The following DOCK9 variants were observed in gnomAD, a reference collection of about 807,000 sequenced individuals.
DOCK9 encodes the protein dedicator of cytokinesis 9.
Under a neutral mutation model 263.3 loss-of-function variants are expected in DOCK9, and 89 were observed. The ratio of observed to expected loss-of-function variants is 0.34; its 90% CI spans 0.28 to 0.40. The LOEUF is 0.40. Among genes scored for constraint, DOCK9 ranks in the 10% least tolerant of loss-of-function variants. DOCK9 has a pLI of 1.00. For missense variants in DOCK9, 2,140 were observed against 2,603.4 expected, an observed-to-expected ratio of 0.82 and a Z score of 3.87; for synonymous variants, 976 against 973.1, an observed-to-expected ratio of 1.00 and a Z score of -0.06.
At chr13:98,909,174 G>A (rs1288484323) in intron 9 of DOCK9, among the ~76,000 whole-genome samples, 1 of 152,200 alleles carries the variant, frequency 6.6e-6, no homozygotes, top group African/African-American at 2.4e-5. Flanking sequence ...GTTCTCTGTA[G>A]AAACTGGTGT....
At position 98,831,399 on chromosome 13, in the gene DOCK9, C is replaced by T. The variant is rs1478197022; in HGVS notation, c.4584G>A (p.Arg1528=). The T allele has an allele frequency of 6.2e-7, 1 of 1,604,298 alleles. No homozygotes were observed. Among genetic ancestry groups the T allele is most frequent in the Non-Finnish European group, 8.5e-7 (1 of 1,175,144 alleles). Residue 1528 remains arginine, a synonymous_variant, in exon 41 of 53, where the codon AGG becomes AGA. Transcript: ENST00000682017. ...TCTTTCCAGTGTAATCAAAGTTGTT[C>T]CTCATCAGGAAGTAGAGCAGCTGGG... ...EASQLLYFLM[R]NNFDYTGKKS... is the part of the protein sequence containing the mutation.
At position 98,838,657 on chromosome 13, in the gene DOCK9, T is replaced by C. The variant is rs555853222; in HGVS notation, c.4199-1048A>G. ...TGACATACAAGTTGAGATTAAATTATGAAATGGTATGCATTAGCAGAAATA... is the reference window on the plus strand; with the variant it reads ...TGACATACAAGTTGAGATTAAATTACGAAATGGTATGCATTAGCAGAAATA... On this transcript the variant is annotated intron_variant, in intron 38 of 52. Coordinates refer to ENST00000682017, the MANE Select transcript of DOCK9 (RefSeq NM_001366683.2). Among the ~76,000 whole-genome samples, 40 of 152,302 alleles carry C rather than the reference T, an allele frequency of 2.6e-4. 1 individual carries two copies. In the South Asian group the frequency reaches 8.1e-3, roughly 31 times the overall value.
intron 1 of DOCK9, among the ~76,000 whole-genome samples, chr13:98,985,788 C>T (rs1878314738): frequency 7.6e-6 from 1 of 131,832 alleles, no homozygotes; most frequent in Non-Finnish European, 1.6e-5. Flanking sequence ...TATCTCCCTT[C>T]CTCAGCTTTG....
At chr13:98,809,290 T>C in intron 47 of DOCK9, 62 bp downstream of exon 47, 1 of 1,409,000 alleles carries the variant, frequency 7.1e-7, no homozygotes, top group Non-Finnish European at 9.8e-7. Flanking sequence ...TTTTTTTTTG[T>C]TTTTGTTTTT....
intron 1 of DOCK9, among the ~76,000 whole-genome samples, chr13:99,013,436 T>C (rs772972197): frequency 2.6e-5 from 4 of 152,238 alleles, no homozygotes; most frequent in Admixed American, 2.0e-4. Context: ...GTTCTTGTTG[T>C]ACTATAAGTG....
chr13:98,935,827 G>T (rs1407880169), intron 2 of DOCK9, among the ~76,000 whole-genome samples: 1 of 152,046 alleles, frequency 6.6e-6, no homozygotes, highest in Non-Finnish European at 1.5e-5. Context: ...CTGGACCCAT[G>T]GGGGAGGGGA....
intron 1 of DOCK9, among the ~76,000 whole-genome samples, chr13:98,995,886 C>T (rs1880923667): frequency 6.6e-6 from 1 of 152,072 alleles, no homozygotes; most frequent in Non-Finnish European, 1.5e-5. Flanking sequence ...GTGCAAAGGC[C>T]CTGAAGCGCA....
At position 98,800,461 on chromosome 13, in the gene DOCK9, A is replaced by G. The variant is rs1169446008; in HGVS notation, c.5743T>C (p.Tyr1915His). The G allele has an allele frequency of 3.7e-6, 6 of 1,613,808 alleles. No individual in the cohort carries two copies. In the South Asian group the frequency reaches 6.6e-5, roughly 18 times the overall value. Residue 1915 changes from tyrosine (Y) to histidine (H), a missense_variant, in exon 50 of 53, where the codon TAT becomes CAT. Around this residue, in one of 2 missense-constraint regions of DOCK9, gnomAD observed 619 missense variants for 861.8 expected, o/e 0.72. Coordinates refer to ENST00000682017, the MANE Select transcript of DOCK9 (RefSeq NM_001366683.2). The part of the protein sequence containing the change: ...TILTAIHCFP[Y>H]VKKRIPVMYQ... ...ATGACAGGGATGCGCTTCTTCACAT[A>G]AGGGAAGCAGTGTATGGCTGCAGAG...
intron 1 of DOCK9, among the ~76,000 whole-genome samples, chr13:99,016,512 G>A (rs1023451657): frequency 2.0e-5 from 3 of 152,214 alleles, no homozygotes; most frequent in African/African-American, 7.2e-5. Context: ...ACTCCAGTAT[G>A]CAATGGGAAA....
At chr13:98,950,125 C>G (rs989777273) in intron 2 of DOCK9, 29 of 556,180 alleles carry the variant, frequency 5.2e-5, no homozygotes, top group Non-Finnish European at 2.9e-5. Flanking sequence ...CAGGCAAAGT[C>G]TTGCAATGGT....
chr13:99,050,425 T>G (rs959516825), intron 1 of DOCK9, among the ~76,000 whole-genome samples: 1 of 152,234 alleles, frequency 6.6e-6, no homozygotes, highest in Non-Finnish European at 1.5e-5. Flanking sequence ...CCGGGCGCAG[T>G]GGCTCATGCC....
intron 44 of DOCK9, chr13:98,826,005 G>A (rs1365335090): frequency 1.2e-5 from 16 of 1,327,726 alleles, no homozygotes; most frequent in Non-Finnish European, 1.4e-5. Context: ...GGTATTAAAT[G>A]AACATGGAGC....
chr13:98,996,867 T>C (rs1881167202), intron 1 of DOCK9, among the ~76,000 whole-genome samples: 1 of 152,244 alleles, frequency 6.6e-6, no homozygotes, highest in Non-Finnish European at 1.5e-5. Context: ...TAAGTTGCTC[T>C]GCCAATGGTA....
chr13:99,016,768 T>C (rs1406990838), intron 1 of DOCK9, among the ~76,000 whole-genome samples: 4 of 152,202 alleles, frequency 2.6e-5, no homozygotes, highest in Admixed American at 1.3e-4. Context: ...CCAGCCACAA[T>C]ATGTAACTAG....
At chr13:98,882,762 C>A (rs2045018265) in intron 23 of DOCK9, among the ~76,000 whole-genome samples, 1 of 152,130 alleles carries the variant, frequency 6.6e-6, no homozygotes, top group Admixed American at 6.5e-5. Flanking sequence ...TGCTCGGTAC[C>A]CAGGGAGGTC....
rs2091087203 is a variant in DOCK9 at position 98,809,463 on chromosome 13, C to T, written c.5256G>A (p.Arg1752=). 6.3e-7 allele frequency: 1 copy of T among 1,594,228 alleles called. No individual in the cohort carries two copies. Among genetic ancestry groups the T allele is most frequent in the African/African-American group, 1.4e-5 (1 of 73,618 alleles). Residue 1752 remains arginine, a splice_region_variant and synonymous_variant, in exon 47 of 53, where the codon AGG becomes AGA. Coordinates refer to ENST00000682017, the MANE Select transcript of DOCK9 (RefSeq NM_001366683.2). ...PIYEKRRDFE[R]LAHLYDTLHR... ...GCAGCGTGTCATACAGATGGGCCAGCCTCTGGAAAGCAGAACAAAGCCCAT... is the reference window on the plus strand; with the variant it reads ...GCAGCGTGTCATACAGATGGGCCAGTCTCTGGAAAGCAGAACAAAGCCCAT...
chr13:98,807,909 C>G (rs1239260413), intron 47 of DOCK9, 102 bp from the exon 48 acceptor site: 1 of 968,180 alleles, frequency 1.0e-6, no homozygotes, highest in East Asian at 2.7e-5. Context: ...AGGAATGGGT[C>G]TAAAAATCCT....
At chr13:98,878,121 G>A (rs1439748235) in intron 27 of DOCK9, among the ~76,000 whole-genome samples, 2 of 152,140 alleles carry the variant, frequency 1.3e-5, no homozygotes, top group African/African-American at 2.4e-5. Context: ...ACACAGACGC[G>A]CACAGAAGGC....
intron 32 of DOCK9, 77 bp from the exon 33 acceptor site, chr13:98,860,599 C>T (rs1432441602): frequency 1.9e-5 from 26 of 1,380,868 alleles, no homozygotes; most frequent in African/African-American, 1.6e-4. Context: ...AGTGCCAGGG[C>T]AAGTGCAGGA....
Sources: allele counts gnomAD v4.1 joint callset (sites outside exome capture counted in the v4.1 genomes callset), GRCh38; gene constraint gnomAD v4.1.1; regional missense constraint gnomAD v4.1.1; transcripts MANE v1.5; gene names NCBI Gene and HGNC (gene_info 2026-07-23, HGNC 2026-07-21).